The following PCDH15 variants were observed in gnomAD, a reference collection of about 807,000 sequenced individuals.
PCDH15 encodes the protein protocadherin-15.
PCDH15 carries 129 observed loss-of-function variants against 178.5 expected under a neutral mutation model. The ratio of observed to expected loss-of-function variants is 0.72; its 90% CI spans 0.63 to 0.84. PCDH15 has a LOEUF of 0.84. Ranked by LOEUF, PCDH15 falls within the 40% of genes least tolerant of loss-of-function variation. The pLI, the probability that PCDH15 is intolerant of heterozygous loss-of-function variation, is 0.00. For missense variants in PCDH15, 2,230 were observed against 2,099.9 expected (o/e 1.06, Z -1.21); for synonymous variants, 800 against 732.0 (o/e 1.09, Z -1.50).
At chr10:55,357,086 A>G (rs1354603702) in intron 2 of PCDH15, among the ~76,000 whole-genome samples, 1 of 151,998 alleles carries the variant, frequency 6.6e-6, no homozygotes, top group Admixed American at 6.6e-5. Flanking sequence ...GCAAGAGTAC[A>G]TAGCAACAAG....
chr10:55,324,726 TG>T (rs748657457), intron 2 of PCDH15, among the ~76,000 whole-genome samples: 39 of 152,068 alleles, frequency 2.6e-4, no homozygotes, highest in Non-Finnish European at 5.1e-4. Flanking sequence ...ACTCAACAAC[TG>T]ACCAAATAGA....
intron 1 of PCDH15, among the ~76,000 whole-genome samples, chr10:55,314,935 T>C (rs1843685790): frequency 6.6e-6 from 1 of 152,170 alleles, no homozygotes; most frequent in Non-Finnish European, 1.5e-5. Flanking sequence ...ACATTATTAT[T>C]AAGAATCACA....
At chr10:54,144,060 C>T (rs1188242713) in intron 14 of PCDH15, among the ~76,000 whole-genome samples, 1 of 134,752 alleles carries the variant, frequency 7.4e-6, no homozygotes, top group East Asian at 2.5e-4. Context: ...ATTTGTCCTG[C>T]TATGACTTGC....
chr10:54,098,791 T>C (rs893916329), intron 15 of PCDH15, among the ~76,000 whole-genome samples: 3 of 152,314 alleles, frequency 2.0e-5, no homozygotes, highest in East Asian at 1.9e-4. Context: ...AATCTAATTA[T>C]TGTGGAAAGA....
rs562626796 is a variant in PCDH15, at chr10:55,581,671, G to C, written c.-156+45954C>G. Among the ~76,000 whole-genome samples the C allele has an allele frequency of 3.3e-5, 5 of 152,112 alleles. No individual in the cohort carries two copies. The South Asian group carries it at 1.0e-3, about 32-fold the overall frequency. On this transcript the variant is annotated intron_variant, in intron 2 of 5. Coordinates refer to the PCDH15 transcript ENST00000613346. ...AATTTTAGTTCCTTGATGTATTAAG[G>C]TATATTAATAAAAGATAAAAGTAGA...
intron 8 of PCDH15, among the ~76,000 whole-genome samples, chr10:54,263,060 G>T (rs74136107): frequency 0.017 from 2,501 of 150,206 alleles, 73 homozygotes; most frequent in African/African-American, 0.06. Context: ...CATTTTCTTT[G>T]TCTCTACACT....
At chr10:55,542,507 A>C (rs925477277) in intron 2 of PCDH15, among the ~76,000 whole-genome samples, 2 of 150,880 alleles carry the variant, frequency 1.3e-5, no homozygotes, top group Admixed American at 1.3e-4. Context: ...ACATATGTAC[A>C]GTATGTATAT....
chr10:55,068,088 G>A (rs1841613549), intron 2 of PCDH15, among the ~76,000 whole-genome samples: 1 of 151,966 alleles, frequency 6.6e-6, no homozygotes, highest in Non-Finnish European at 1.5e-5. Context: ...TTACTGTAAT[G>A]TAGTGCATTT....
intron 9 of PCDH15, among the ~76,000 whole-genome samples, chr10:54,233,876 G>T (rs2054331677): frequency 6.6e-6 from 1 of 152,134 alleles, no homozygotes; most frequent in African/African-American, 2.4e-5. Context: ...TTCTGCCATT[G>T]ATGTTCATGA....
intron 1 of PCDH15, among the ~76,000 whole-genome samples, chr10:55,287,643 T>C (rs542061279): frequency 6.6e-6 from 1 of 152,130 alleles, no homozygotes; most frequent in East Asian, 1.9e-4. Flanking sequence ...AAGTATGATC[T>C]GAAAATATTA....
intron 2 of PCDH15, among the ~76,000 whole-genome samples, chr10:54,638,923 TG>T (rs1281291064): frequency 6.6e-6 from 1 of 152,080 alleles, no homozygotes; most frequent in Non-Finnish European, 1.5e-5. Context: ...TTATTCTAAG[TG>T]AAGTAAGTCA....
At chr10:55,562,678 A>C (rs1458715627) in intron 2 of PCDH15, among the ~76,000 whole-genome samples, 1 of 152,070 alleles carries the variant, frequency 6.6e-6, no homozygotes, top group Non-Finnish European at 1.5e-5. Context: ...TTAACTATTT[A>C]TGTGATATTT....
At chr10:54,414,612 T>C (rs1426436253) in intron 3 of PCDH15, among the ~76,000 whole-genome samples, 1 of 152,132 alleles carries the variant, frequency 6.6e-6, no homozygotes, top group Non-Finnish European at 1.5e-5. Context: ...TTACTATACG[T>C]CAGGCTATAT....
intron 2 of PCDH15, among the ~76,000 whole-genome samples, chr10:55,121,428 G>C (rs1464570918): frequency 6.6e-6 from 1 of 151,734 alleles, no homozygotes; most frequent in Non-Finnish European, 1.5e-5. Context: ...AGAAGAAACT[G>C]TAGATTTAGA....
At chr10:54,982,600 T>G in intron 2 of PCDH15, among the ~76,000 whole-genome samples, 1 of 152,156 alleles carries the variant, frequency 6.6e-6, no homozygotes, top group Non-Finnish European at 1.5e-5. Context: ...TCCTAGGGCT[T>G]TGATGAGATG....
chr10:53,871,414 C>T (rs966745473), intron 26 of PCDH15, among the ~76,000 whole-genome samples: 1 of 149,332 alleles, frequency 6.7e-6, no homozygotes, highest in African/African-American at 2.5e-5. Context: ...ATAAGGATGC[C>T]CAAAAATAGT....
intron 26 of PCDH15, among the ~76,000 whole-genome samples, chr10:53,891,277 G>C (rs936903790): frequency 6.6e-6 from 1 of 152,162 alleles, no homozygotes; most frequent in Non-Finnish European, 1.5e-5. Context: ...TTTTCAAAGG[G>C]AGAACCAAAT....
At chr10:54,987,359 A>C (rs1378578864) in intron 2 of PCDH15, among the ~76,000 whole-genome samples, 2 of 152,170 alleles carry the variant, frequency 1.3e-5, no homozygotes, top group Non-Finnish European at 2.9e-5. Flanking sequence ...AGAATGATTC[A>C]TAATTCTTTG....
At chr10:54,917,146 C>T (rs1837356896) in intron 2 of PCDH15, among the ~76,000 whole-genome samples, 1 of 152,092 alleles carries the variant, frequency 6.6e-6, no homozygotes, top group African/African-American at 2.4e-5. Context: ...ACGTAAAATG[C>T]ATTTGGCTAG....
Sources: gnomAD v4.1 joint callset for allele counts (sites outside exome capture counted in the v4.1 genomes callset) on GRCh38, gnomAD v4.1.1 for gene constraint, MANE v1.5 for transcripts, NCBI Gene and HGNC (gene_info 2026-07-23, HGNC 2026-07-21) for gene names.